MRTFA: variants seen among roughly 807,000 people sequenced by gnomAD.
The protein encoded by MRTFA is myocardin related transcription factor A.
In MRTFA, 20 loss-of-function variants were observed where a neutral mutation model predicts 83.5. That is an observed-to-expected ratio of 0.24 (90% CI 0.17 to 0.35). The LOEUF is 0.35. MRTFA is among the 10% of genes least tolerant of loss of function. The pLI, the probability that MRTFA is intolerant of heterozygous loss-of-function variation, is 1.00. For synonymous variants in MRTFA, 659 were observed against 541.2 expected, an observed-to-expected ratio of 1.22 and a Z score of -3.02; for missense variants, 1,200 against 1,224.7, an observed-to-expected ratio of 0.98 and a Z score of 0.30.
intron 3 of MRTFA, among the ~76,000 whole-genome samples, chr22:40,531,028 A>G (rs1235686583): frequency 6.6e-6 from 1 of 152,206 alleles, no homozygotes; most frequent in African/African-American, 2.4e-5. Flanking sequence ...GAAGCTAATA[A>G]TCTAATTAGG....
chr22:40,515,837 G>A (rs917127997), intron 3 of MRTFA, among the ~76,000 whole-genome samples: 1 of 152,100 alleles, frequency 6.6e-6, no homozygotes, highest in African/African-American at 2.4e-5. Flanking sequence ...TATAATCCCT[G>A]TGCAGATGGC....
chr22:40,491,974 C>A (rs1011284049), intron 3 of MRTFA, among the ~76,000 whole-genome samples: 2 of 152,208 alleles, frequency 1.3e-5, no homozygotes, highest in Admixed American at 6.5e-5. Context: ...CCCAAAGGCA[C>A]AAATACTCGA....
chr22:40,451,656 G>A (rs921400935), intron 4 of MRTFA, among the ~76,000 whole-genome samples: 1 of 152,036 alleles, frequency 6.6e-6, no homozygotes, highest in Non-Finnish European at 1.5e-5. Context: ...CACGAGTATC[G>A]ACACAGGGAA....
chr22:40,509,508 G>A (rs1202497051), intron 3 of MRTFA, among the ~76,000 whole-genome samples: 1 of 152,196 alleles, frequency 6.6e-6, no homozygotes, highest in Non-Finnish European at 1.5e-5. Context: ...CCCTAAGTGA[G>A]AGTTTCTAAA....
chr22:40,465,877 T>C (rs1189094606), intron 3 of MRTFA, among the ~76,000 whole-genome samples: 4 of 152,148 alleles, frequency 2.6e-5, no homozygotes, highest in Non-Finnish European at 4.4e-5. Flanking sequence ...AGATAGGTAT[T>C]ATTAATCCTA....
At chr22:40,460,580 A>G (rs1316589583) in intron 4 of MRTFA, among the ~76,000 whole-genome samples, 1 of 152,218 alleles carries the variant, frequency 6.6e-6, no homozygotes, top group African/African-American at 2.4e-5. Context: ...AGCATCTAGG[A>G]CTACCCTAGG....
At chr22:40,574,434 A>ATTTTTTT (rs2055840141) in intron 2 of MRTFA, among the ~76,000 whole-genome samples, 1 of 147,008 alleles carries the variant, frequency 6.8e-6, no homozygotes, top group African/African-American at 2.5e-5. Context: ...AGTTATTATT[A>ATTTTTTT]TTATTATTTT....
At chr22:40,483,787 C>T (rs1335733677) in intron 3 of MRTFA, among the ~76,000 whole-genome samples, 5 of 152,052 alleles carry the variant, frequency 3.3e-5, no homozygotes, top group Non-Finnish European at 5.9e-5. Flanking sequence ...CTTGACCTCC[C>T]GGACTCAATC....
At chr22:40,575,206 C>A (rs897246018) in intron 2 of MRTFA, among the ~76,000 whole-genome samples, 7 of 152,160 alleles carry the variant, frequency 4.6e-5, no homozygotes, top group African/African-American at 1.7e-4. Flanking sequence ...TAAAATTTAA[C>A]AGGTGTTCAA....
At chr22:40,538,933 A>G (rs2055236354) in intron 3 of MRTFA, among the ~76,000 whole-genome samples, 1 of 151,588 alleles carries the variant, frequency 6.6e-6, no homozygotes, top group African/African-American at 2.4e-5. Flanking sequence ...GATATGATCT[A>G]CAGTCTCTAT....
chr22:40,627,245 C>T (rs1197874715), intron 1 of MRTFA, among the ~76,000 whole-genome samples: 1 of 152,166 alleles, frequency 6.6e-6, no homozygotes, highest in Non-Finnish European at 1.5e-5. Flanking sequence ...CTCCCGGGCT[C>T]ATGCACTACA....
chr22:40,500,016 G>A (rs866267390), intron 3 of MRTFA, among the ~76,000 whole-genome samples: 4 of 137,598 alleles, frequency 2.9e-5, no homozygotes, highest in South Asian at 2.4e-4. Flanking sequence ...CGCAACGTCC[G>A]CCTCCAGGGT....
At chr22:40,463,074 TA>T in intron 4 of MRTFA, 146 bp downstream of exon 4, 1 of 728,388 alleles carries the variant, frequency 1.4e-6, no homozygotes, top group Non-Finnish European at 2.4e-6. Context: ...GATTGAGCTC[TA>T]AACTTGGAAA....
intron 3 of MRTFA, among the ~76,000 whole-genome samples, chr22:40,491,342 TAAAAA>T (rs199971010): frequency 6.8e-6 from 1 of 147,142 alleles, no homozygotes; most frequent in South Asian, 2.2e-4. Flanking sequence ...AAACCTGTCT[TAAAAA>T]AAAAACAAAA....
intron 2 of MRTFA, among the ~76,000 whole-genome samples, chr22:40,582,109 A>C (rs1292786308): frequency 6.6e-6 from 1 of 152,072 alleles, no homozygotes; most frequent in African/African-American, 2.4e-5. Context: ...CTACTAATCT[A>C]CTTTCTGTCT....
chr22:40,616,642 T>C (rs904747572), intron 1 of MRTFA, among the ~76,000 whole-genome samples: 5 of 152,164 alleles, frequency 3.3e-5, no homozygotes, highest in Admixed American at 1.3e-4. Context: ...GTTTCTGACT[T>C]ATGTTAACAA....
chr22:40,420,628 G>C, intron 10 of MRTFA, 52 bp from the exon 11 acceptor site: 14 of 1,591,528 alleles, frequency 8.8e-6, no homozygotes, highest in African/African-American at 1.3e-5. Context: ...CGTGGCCTCT[G>C]CAGGTGGCAG....
chr22:40,541,796 A>T (rs1274050616), intron 3 of MRTFA, among the ~76,000 whole-genome samples: 1 of 151,424 alleles, frequency 6.6e-6, no homozygotes, highest in Non-Finnish European at 1.5e-5. Flanking sequence ...CCTCCCAAGT[A>T]GCTGGGATTA....
chr22:40,419,100 G>A lies in MRTFA; in HGVS notation c.1638C>T (p.Ser546=), dbSNP rs747521590. 3.1e-6 allele frequency: 5 copies of A among 1,597,364 alleles called. No individual in the cohort carries two copies. The South Asian group carries it at 4.5e-5, about 14-fold the overall frequency. ...GAGACACGGGGGGCGTGGAGCCCGTGCTGCCAAACTTCACCACCCCACTGC... is the reference window on the plus strand; with the variant it reads ...GAGACACGGGGGGCGTGGAGCCCGTACTGCCAAACTTCACCACCCCACTGC... The change falls in exon 12 of 15, where the codon AGC becomes AGT. Residue 546 remains serine, a synonymous_variant. Coordinates refer to ENST00000355630, the MANE Select transcript of MRTFA (RefSeq NM_020831.6).
Sources: gnomAD v4.1 joint callset for allele counts (sites outside exome capture counted in the v4.1 genomes callset) on GRCh38, gnomAD v4.1.1 for gene constraint, MANE v1.5 for transcripts, NCBI Gene and HGNC (gene_info 2026-07-23, HGNC 2026-07-21) for gene names.